TANC1: variants seen among roughly 807,000 people sequenced by gnomAD.
The protein encoded by TANC1 is tetratricopeptide repeat, ankyrin repeat and coiled-coil containing 1, also known as protein TANC1.
In TANC1, 77 loss-of-function variants were observed where a neutral mutation model predicts 149.7. That is an observed-to-expected ratio of 0.51 (90% confidence interval 0.43 to 0.62). The LOEUF is 0.62. TANC1 is among the 20% of genes least tolerant of loss of function. TANC1 has a pLI of 0.00. For synonymous variants in TANC1, 854 were observed against 925.0 expected (o/e 0.92, Z 1.39); for missense variants, 1,985 against 2,321.8 (o/e 0.85, Z 2.98).
chr2:159,014,338 C>T (rs2038057690), intron 2 of TANC1, among the ~76,000 whole-genome samples: 1 of 152,182 alleles, frequency 6.6e-6, no homozygotes, highest in Non-Finnish European at 1.5e-5. Context: ...TGATAAGATT[C>T]TGTGAGACTT....
At chr2:159,111,982 C>T (rs954485126) in intron 4 of TANC1, among the ~76,000 whole-genome samples, 1 of 152,118 alleles carries the variant, frequency 6.6e-6, no homozygotes, top group Non-Finnish European at 1.5e-5. Flanking sequence ...TGAAGTGAGA[C>T]GTACAAACTA....
chr2:159,012,946 A>G (rs2037912585), intron 2 of TANC1, among the ~76,000 whole-genome samples: 2 of 152,162 alleles, frequency 1.3e-5, no homozygotes, highest in South Asian at 4.1e-4. Flanking sequence ...CATGGTATTT[A>G]TGTAGCTCTA....
At chr2:159,167,289 A>G (rs916846682) in intron 8 of TANC1, among the ~76,000 whole-genome samples, 2 of 152,198 alleles carry the variant, frequency 1.3e-5, no homozygotes, top group Non-Finnish European at 2.9e-5. Flanking sequence ...TGCATTCACC[A>G]TGAGGCATGT....
intron 4 of TANC1, among the ~76,000 whole-genome samples, chr2:159,122,766 C>T (rs1254168621): frequency 6.9e-6 from 1 of 144,348 alleles, no homozygotes; most frequent in African/African-American, 2.6e-5. Flanking sequence ...CTTTTTTCTT[C>T]TTTTTTTTTT....
intron 2 of TANC1, among the ~76,000 whole-genome samples, chr2:159,059,938 G>A (rs11683839): frequency 7.4e-6 from 1 of 135,778 alleles, no homozygotes; most frequent in Non-Finnish European, 1.6e-5. Context: ...GTGGTTTTTT[G>A]TTGTTGTTGT....
intron 2 of TANC1, among the ~76,000 whole-genome samples, chr2:159,006,691 A>G (rs1287834788): frequency 2.0e-5 from 3 of 152,196 alleles, no homozygotes; most frequent in Admixed American, 6.5e-5. Flanking sequence ...AGAAAGGGTA[A>G]TCTAGAAGAG....
At chr2:159,182,503 G>A (rs1031790613) in intron 14 of TANC1, among the ~76,000 whole-genome samples, 8 of 152,116 alleles carry the variant, frequency 5.3e-5, no homozygotes, top group Admixed American at 1.3e-4. Flanking sequence ...AAATGCATTC[G>A]ATTATCTCTC....
chr2:159,229,875 C>A lies in TANC1; in HGVS notation c.4449C>A (p.Val1483=). 1 of 1,614,148 alleles carries A rather than the reference C, an allele frequency of 6.2e-7. No individual in the cohort carries two copies. Among genetic ancestry groups the A allele is most frequent in the South Asian group, 1.1e-5 (1 of 91,078 alleles). The change falls in exon 27 of 27, where the codon GTC becomes GTA. Residue 1483 remains valine (V), a synonymous_variant. Transcript: ENST00000263635. ...CCAGGTCCCAGCCATCCTCATCTGT[C>A]CCTTCCTCATACATCCGAAACCTTC... ...PTPRSQPSSS[V]PSSYIRNLQE...
chr2:159,013,729 T>C (rs1009585563), intron 2 of TANC1, among the ~76,000 whole-genome samples: 9 of 152,206 alleles, frequency 5.9e-5, no homozygotes, highest in African/African-American at 1.9e-4. Context: ...TTGTGTTGTC[T>C]GAGGTCACAT....
At chr2:159,091,181 A>G (rs771970183) in intron 3 of TANC1, among the ~76,000 whole-genome samples, 17 of 152,184 alleles carry the variant, frequency 1.1e-4, no homozygotes, top group Non-Finnish European at 2.2e-4. Context: ...ATACTGAGAC[A>G]GTGGACTCTG....
intron 3 of TANC1, among the ~76,000 whole-genome samples, chr2:159,067,309 G>A (rs1343571433): frequency 1.6e-4 from 24 of 152,300 alleles, no homozygotes; most frequent in Admixed American, 1.5e-3. Flanking sequence ...CACCTTAAAA[G>A]TAGAGCCTTT....
At chr2:159,218,626 C>T (rs2059495425) in intron 20 of TANC1, among the ~76,000 whole-genome samples, 1 of 152,186 alleles carries the variant, frequency 6.6e-6, no homozygotes, top group South Asian at 2.1e-4. Flanking sequence ...TGGGATACCC[C>T]TGTCTGGTTT....
intron 2 of TANC1, among the ~76,000 whole-genome samples, chr2:159,005,345 C>A (rs938514331): frequency 2.6e-5 from 4 of 152,112 alleles, no homozygotes; most frequent in African/African-American, 9.7e-5. Context: ...AATCCGCGCA[C>A]TTTGGGAGGC....
intron 6 of TANC1, chr2:159,150,072 G>C: frequency 3.7e-6 from 1 of 268,786 alleles, no homozygotes; most frequent in South Asian, 8.3e-5. Context: ...CATTTCTGTT[G>C]TACAAATGTG....
At chr2:159,165,172 TG>T (rs936781813) in intron 8 of TANC1, among the ~76,000 whole-genome samples, 19 of 152,328 alleles carry the variant, frequency 1.2e-4, no homozygotes, top group African/African-American at 3.8e-4. Flanking sequence ...GCATCCCATT[TG>T]GGGTTGTTTT....
intron 3 of TANC1, among the ~76,000 whole-genome samples, chr2:159,085,265 A>G (rs972462249): frequency 2.6e-4 from 39 of 152,242 alleles, no homozygotes; most frequent in African/African-American, 9.1e-4. Flanking sequence ...GTTGTGATGC[A>G]TGGGGAAGCC....
At chr2:159,178,531 T>C (rs779352430) in intron 13 of TANC1, 25 bp from the exon 14 acceptor site, 17 of 1,535,700 alleles carry the variant, frequency 1.1e-5, no homozygotes, top group Non-Finnish European at 1.4e-5. Context: ...AGAGTGACAC[T>C]GTGGGTTTTT....
intron 1 of TANC1, among the ~76,000 whole-genome samples, chr2:158,985,114 G>A (rs181985596): frequency 2.0e-5 from 3 of 152,314 alleles, no homozygotes; most frequent in African/African-American, 7.2e-5. Context: ...AAGTAGGTCA[G>A]GTGAGAGATG....
chr2:159,194,884 A>G (rs1407830894), intron 17 of TANC1, among the ~76,000 whole-genome samples: 4 of 152,206 alleles, frequency 2.6e-5, no homozygotes, highest in Admixed American at 6.5e-5. Context: ...CAGTAGGATG[A>G]GTTCCATGAA....
Sources: allele counts gnomAD v4.1 joint callset (sites outside exome capture counted in the v4.1 genomes callset), GRCh38; gene constraint gnomAD v4.1.1; transcripts MANE v1.5; gene names NCBI Gene and HGNC (gene_info 2026-07-23, HGNC 2026-07-21).